KLF8: variants seen among roughly 807,000 people sequenced by gnomAD.
KLF8 encodes the protein KLF transcription factor 8.
In KLF8, 10 loss-of-function variants were observed where a neutral mutation model predicts 18.2. That is an observed-to-expected ratio of 0.55 (90% CI 0.34 to 0.93). The LOEUF (loss-of-function observed/expected upper bound fraction) is 0.93, where lower values mean the gene tolerates loss of function less well. Ranked by LOEUF, KLF8 falls within the 40% of genes least tolerant of loss-of-function variation. KLF8 has a pLI of 0.02. For synonymous variants in KLF8, 109 were observed against 97.3 expected, an observed-to-expected ratio of 1.12 and a Z score of -0.71; for missense variants, 264 against 277.9, an observed-to-expected ratio of 0.95 and a Z score of 0.36.
At chrX:56,234,525 T>C (rs915881077) in intron 1 of KLF8, among the ~76,000 whole-genome samples, 6 of 112,430 alleles carry the variant, frequency 5.3e-5, no homozygotes, top group Non-Finnish European at 9.4e-5. Context: ...TAAAACACCT[T>C]CCAGATGTGG....
At chrX:55,978,677 C>T in the KLF8 span, among the ~76,000 whole-genome samples, 1 of 111,523 alleles carries the variant, frequency 9.0e-6, no homozygotes, top group African/African-American at 3.3e-5. Flanking sequence ...AACTTAGATG[C>T]ATACCTAGAA....
chrX:56,173,577 T>C, the KLF8 span, among the ~76,000 whole-genome samples: 1 of 112,028 alleles, frequency 8.9e-6, no homozygotes, highest in Admixed American at 9.5e-5. Flanking sequence ...CACTAGGCAA[T>C]GCGGGCTCTT....
chrX:56,091,288 C>T, the KLF8 span, among the ~76,000 whole-genome samples: 1 of 110,629 alleles, frequency 9.0e-6, no homozygotes, highest in African/African-American at 3.3e-5. Flanking sequence ...CTCTCCCTCA[C>T]CTGCCGCCGT....
chrX:56,185,223 G>C, the KLF8 span, among the ~76,000 whole-genome samples: 3 of 112,228 alleles, frequency 2.7e-5, no homozygotes, highest in Non-Finnish European at 3.8e-5. Flanking sequence ...ACTACGTGAA[G>C]AATGCAGAAA....
At chrX:55,991,521 G>C in the KLF8 span, among the ~76,000 whole-genome samples, 75 of 111,591 alleles carry the variant, frequency 6.7e-4, 1 homozygote, top group East Asian at 9.9e-3. Context: ...TGCACCCACT[G>C]TCTGACACTC....
At chrX:56,051,885 C>T in the KLF8 span, among the ~76,000 whole-genome samples, 44 of 109,453 alleles carry the variant, frequency 4.0e-4, no homozygotes, top group African/African-American at 1.4e-3. Context: ...GTTCCATTCT[C>T]CCCATCACTT....
chrX:56,054,770 C>T, the KLF8 span, among the ~76,000 whole-genome samples: 1 of 111,925 alleles, frequency 8.9e-6, no homozygotes, highest in African/African-American at 3.2e-5. Flanking sequence ...CAGAGTACTC[C>T]TATGCTCGGT....
chrX:55,930,526 G>T, the KLF8 span, among the ~76,000 whole-genome samples: 3 of 111,887 alleles, frequency 2.7e-5, no homozygotes, highest in African/African-American at 9.7e-5. Context: ...GGGTTTGTCA[G>T]AAATAGCTTG....
the KLF8 span, among the ~76,000 whole-genome samples, chrX:55,932,594 C>A: frequency 3.7e-4 from 41 of 111,645 alleles, no homozygotes; most frequent in Non-Finnish European, 5.6e-5. Context: ...ATTTGCTTGT[C>A]TGCAAAGTAT....
chrX:56,136,201 A>G, the KLF8 span, among the ~76,000 whole-genome samples: 1 of 111,864 alleles, frequency 8.9e-6, no homozygotes, highest in Non-Finnish European at 1.9e-5. Flanking sequence ...ATTCAATGCC[A>G]TCCCCATCAA....
chrX:55,912,359 T>C, the KLF8 span, among the ~76,000 whole-genome samples: 1 of 111,534 alleles, frequency 9.0e-6, no homozygotes, highest in Non-Finnish European at 1.9e-5. Context: ...CTGTGCCCTG[T>C]TTGTGAAAGG....
the KLF8 span, among the ~76,000 whole-genome samples, chrX:56,148,935 T>G: frequency 8.9e-6 from 1 of 112,337 alleles, no homozygotes; most frequent in East Asian, 2.8e-4. Context: ...ATGTAAATAT[T>G]GATTCATTTA....
the KLF8 span, among the ~76,000 whole-genome samples, chrX:56,157,969 C>T: frequency 8.9e-6 from 1 of 111,933 alleles, no homozygotes; most frequent in African/African-American, 3.2e-5. Flanking sequence ...CTTCCCATGC[C>T]TATGTCCTGA....
At chrX:56,067,980 G>T in the KLF8 span, among the ~76,000 whole-genome samples, 1 of 112,086 alleles carries the variant, frequency 8.9e-6, no homozygotes, top group Non-Finnish European at 1.9e-5. Flanking sequence ...CTTGAATTCG[G>T]CCAGCTATTT....
chrX:56,159,054 A>G, the KLF8 span, among the ~76,000 whole-genome samples: 1 of 111,973 alleles, frequency 8.9e-6, no homozygotes, highest in Non-Finnish European at 1.9e-5. Flanking sequence ...ATTTGGAGAT[A>G]TGTGCCATCA....
At chrX:56,076,741 G>T in the KLF8 span, among the ~76,000 whole-genome samples, 1 of 111,637 alleles carries the variant, frequency 9.0e-6, no homozygotes, top group African/African-American at 3.3e-5. Context: ...GGTTGAACTA[G>T]TTCACAGTCC....
At chrX:56,165,797 G>A in the KLF8 span, among the ~76,000 whole-genome samples, 2 of 109,196 alleles carry the variant, frequency 1.8e-5, no homozygotes, top group African/African-American at 6.7e-5. Flanking sequence ...GGAGTTCAAA[G>A]CTGTAGTGAG....
chrX:56,274,101 T>C (rs1234883982), intron 5 of KLF8, among the ~76,000 whole-genome samples: 1 of 112,122 alleles, frequency 8.9e-6, no homozygotes. Flanking sequence ...CTCCAAATTG[T>C]TCTCTATAGT....
the KLF8 span, among the ~76,000 whole-genome samples, chrX:55,918,001 A>G: frequency 2.7e-5 from 3 of 112,009 alleles, no homozygotes; most frequent in Non-Finnish European, 5.6e-5. Context: ...ATAAATTAGG[A>G]AGGGGACAGT....
Sources: gnomAD v4.1 joint callset for allele counts (sites outside exome capture counted in the v4.1 genomes callset) on GRCh38, gnomAD v4.1.1 for gene constraint, MANE v1.5 for transcripts, NCBI Gene and HGNC (gene_info 2026-07-23, HGNC 2026-07-21) for gene names.